The following DOC2B variants were observed in gnomAD, a reference collection of about 807,000 sequenced individuals.
DOC2B encodes the protein double C2-like domain-containing protein beta.
In DOC2B, 21 loss-of-function variants were observed where a neutral mutation model predicts 28.9. That is an observed-to-expected ratio of 0.73 (90% CI 0.52 to 1.05). The LOEUF (loss-of-function observed/expected upper bound fraction) is 1.05. Ranked by LOEUF, DOC2B falls within the 50% of genes least tolerant of loss-of-function variation. The pLI is 0.00. For synonymous variants in DOC2B, 194 were observed against 178.1 expected (o/e 1.09, Z -0.71); for missense variants, 384 against 421.1 (o/e 0.91, Z 0.77).
In DOC2B at chr17:148,289, G is replaced by A; in HGVS notation, c.1006-20C>T. On this transcript the variant is annotated intron_variant, in intron 7 of 8. Coordinates refer to ENST00000613549, the MANE Select transcript of DOC2B (RefSeq NM_003585.5). ...GAACTCCTGCTGGCAAGAAGGGAGTGTTAGGGCTGATGCCTGGGCCTGGGC... is the reference window on the plus strand; with the variant it reads ...GAACTCCTGCTGGCAAGAAGGGAGTATTAGGGCTGATGCCTGGGCCTGGGC... 2.5e-6 allele frequency: 1 copy of A among 398,848 alleles called. No individual in the cohort carries two copies. Among genetic ancestry groups the A allele is most frequent in the Non-Finnish European group, 4.4e-6 (1 of 226,266 alleles). The allele number at this position is 398,848 out of a possible 1,614,324, so 24.7% of individuals were successfully genotyped here.
chr17:177,135 A>C (rs1567540328), intron 1 of DOC2B, among the ~76,000 whole-genome samples: 1 of 151,906 alleles, frequency 6.6e-6, no homozygotes, highest in Non-Finnish European at 1.5e-5. Flanking sequence ...TTGTGTTGAA[A>C]GCATTTTATA....
intron 6 of DOC2B, among the ~76,000 whole-genome samples, chr17:154,789 G>C (rs1597818029): frequency 6.6e-6 from 1 of 152,136 alleles, no homozygotes; most frequent in East Asian, 1.9e-4. Flanking sequence ...GAGTGCAGTG[G>C]TGTGATCTCG....
intron 3 of DOC2B, chr17:163,863 C>CTTATAAAATG: frequency 4.7e-6 from 2 of 424,376 alleles, no homozygotes; most frequent in African/African-American, 3.9e-5. Flanking sequence ...TGGAAATTCT[C>CTTATAAAATG]CAGGGGTTTC....
At position 181,482 on chromosome 17, in the gene DOC2B, A is replaced by G. The variant is rs1175936119; in HGVS notation, c.-3T>C. On this transcript the variant is annotated 5_prime_UTR_variant, in exon 1 of 9. Coordinates refer to ENST00000613549, the MANE Select transcript of DOC2B (RefSeq NM_003585.5). The surrounding 1 kb of genome is among the most constrained non-coding windows in gnomAD (Gnocchi z 7.0). ...TCCCCGCGCCGCCGGAGGGTCATGC[A>G]GGCAGCGCCGCCCCGCCCCGGGCGC... is the stretch of plus-strand genomic sequence containing the variant. The G allele has an allele frequency of 5.7e-6, 6 of 1,048,250 alleles. No individual in the cohort carries two copies. The African/African-American group carries it at 8.7e-5, about 15-fold the overall frequency. 64.9% of individuals were successfully genotyped at this position (1,048,250 alleles called of 1,614,324 possible).
At chr17:179,398 C>CAAAAAAAAG (rs1555524954) in intron 1 of DOC2B, among the ~76,000 whole-genome samples, 6 of 139,036 alleles carry the variant, frequency 4.3e-5, no homozygotes, top group African/African-American at 1.3e-4. Flanking sequence ...TCAGAGACAG[C>CAAAAAAAAG]AAAAAAAAGA....
chr17:146,282 G>T lies in DOC2B; in HGVS notation c.*1159C>A. On this transcript the variant is annotated 3_prime_UTR_variant, in exon 9 of 9. Transcript: ENST00000613549. The stretch of plus-strand genomic sequence containing the variant: ...AGTGTGAGCCATGGAGTGGAGGGGA[G>T]GGGAAAGGGCAGAGTCAGGACGTGT... 6.6e-6 allele frequency: 1 copy of T among 152,520 alleles called. No homozygotes were observed. 9.4% of individuals were successfully genotyped at this position (152,520 alleles called of 1,614,324 possible).
Position 145,568 on chromosome 17 carries a change from G to C in DOC2B, c.*1873C>G. The C allele has an allele frequency of 6.6e-6, 1 of 152,662 alleles. No individual in the cohort carries two copies. Among genetic ancestry groups the C allele is most frequent in the Non-Finnish European group, 1.5e-5 (1 of 68,268 alleles). The allele number at this position is 152,662 out of a possible 1,614,324, so 9.5% of individuals were successfully genotyped here. On this transcript the variant is annotated 3_prime_UTR_variant, in exon 9 of 9. Transcript: ENST00000613549. ...GCAGGTGGCCAGGGACTGTGTGGGG[G>C]CTGGGGTCCTGTTTTCCCCGCAACC...
chr17:162,553 A>T (rs6565703), intron 3 of DOC2B, among the ~76,000 whole-genome samples: 3 of 152,088 alleles, frequency 2.0e-5, no homozygotes, highest in Non-Finnish European at 4.4e-5. Flanking sequence ...AGCTGGAAGG[A>T]GCTAGGAAAC....
At position 159,893 on chromosome 17, in the gene DOC2B, G is replaced by C. The variant is rs142483275; in HGVS notation, c.765+1522C>G. Among the ~76,000 whole-genome samples, 159 of 148,312 alleles carry C rather than the reference G, an allele frequency of 1.1e-3. 2 individuals are homozygous for C. The highest frequency in any genetic ancestry group is 3.6e-3 in the African/African-American group (147 of 41,094). ...CACACACGAGCACACACACACACAC[G>C]CTGACACCCCACGTACATACCCACG... On this transcript the variant is annotated intron_variant, in intron 5 of 8. Transcript: ENST00000613549.
chr17:176,277 G>C (rs2040368877), intron 1 of DOC2B, among the ~76,000 whole-genome samples: 1 of 151,720 alleles, frequency 6.6e-6, no homozygotes, highest in South Asian at 2.1e-4. Context: ...CAGCCTCCCA[G>C]GCTCAAACGA....
At chr17:154,247 A>G (rs185302197) in intron 6 of DOC2B, among the ~76,000 whole-genome samples, 1 of 146,582 alleles carries the variant, frequency 6.8e-6, no homozygotes, top group Non-Finnish European at 1.5e-5. Flanking sequence ...CTTAGGGCTG[A>G]TATTCCACGC....
At position 165,414 on chromosome 17, in the gene DOC2B, G is replaced by A. The variant is rs914751306; in HGVS notation, c.454-1210C>T. Among the ~76,000 whole-genome samples the A allele has an allele frequency of 3.3e-5, 5 of 151,450 alleles. No individual in the cohort carries two copies. In the East Asian group the frequency reaches 7.8e-4, roughly 24 times the overall value. On this transcript the variant is annotated intron_variant, in intron 2 of 8. Transcript: ENST00000613549. ...GGAGGATCGCTTGAACCTGGGACAC[G>A]GAGGCTGCAGTGAACCATGATCGCA...
At chr17:156,898 G>A (rs6565733) in intron 5 of DOC2B, among the ~76,000 whole-genome samples, 122,720 of 152,202 alleles carry the variant, frequency 0.81, 49,779 homozygotes, top group East Asian at 0.87. Context: ...TTTTTGGAAT[G>A]GCAGAAAGAA....
At chr17:153,937 A>T (rs1456905164) in intron 6 of DOC2B, among the ~76,000 whole-genome samples, 1 of 152,098 alleles carries the variant, frequency 6.6e-6, no homozygotes, top group Non-Finnish European at 1.5e-5. Context: ...CACACTGCCC[A>T]TGTCCCCTCA....
At chr17:172,502 G>A in intron 2 of DOC2B, 35 bp downstream of exon 2, 2 of 1,541,246 alleles carry the variant, frequency 1.3e-6, no homozygotes, top group Middle Eastern at 1.7e-4. Context: ...AGGACCCCGG[G>A]GCAGGGAATT....
At chr17:150,852 C>G (rs940244945) in intron 6 of DOC2B, among the ~76,000 whole-genome samples, 3 of 152,186 alleles carry the variant, frequency 2.0e-5, no homozygotes, top group Non-Finnish European at 2.9e-5. Context: ...CAAAAAGGAC[C>G]AAACTCCTGG....
In DOC2B at chr17:181,543, T is replaced by C. The variant is rs2151480281; in HGVS notation, c.-64A>G. 1.1e-6 allele frequency: 1 copy of C among 904,656 alleles called. No individual in the cohort carries two copies. The highest frequency in any genetic ancestry group is 1.3e-6 in the Non-Finnish European group (1 of 760,970). 56.0% of individuals were successfully genotyped at this position (904,656 alleles called of 1,614,324 possible). ...GGCGCGACCCCGGCCCGGGGGCGGC[T>C]CAGCAGGCCCGGCGGGGCGCGGCGG... On this transcript the variant is annotated 5_prime_UTR_variant, in exon 1 of 9. It removes the in-frame stop codon of an upstream open reading frame in the 5' UTR. Coordinates refer to ENST00000613549, the MANE Select transcript of DOC2B (RefSeq NM_003585.5). This position sits in a 1 kb window ranked among gnomAD's most constrained non-coding sequence, Gnocchi z 7.0.
intron 1 of DOC2B, among the ~76,000 whole-genome samples, chr17:177,702 C>A (rs2040386764): frequency 6.6e-6 from 1 of 152,262 alleles, no homozygotes; most frequent in African/African-American, 2.4e-5. Flanking sequence ...GTGCCTAACA[C>A]AGAGCCTGCC....
chr17:162,738 G>A (rs1313837724), intron 3 of DOC2B, among the ~76,000 whole-genome samples: 4 of 152,244 alleles, frequency 2.6e-5, no homozygotes, highest in African/African-American at 9.6e-5. Context: ...CTCATCCAAG[G>A]AGGACCCCAC....
Sources: allele counts gnomAD v4.1 joint callset (sites outside exome capture counted in the v4.1 genomes callset), GRCh38; gene constraint gnomAD v4.1.1; non-coding constraint Gnocchi (gnomAD v3.1); transcripts MANE v1.5; gene names NCBI Gene and HGNC (gene_info 2026-07-23, HGNC 2026-07-21).